The following DLGAP4 variants were observed in gnomAD, a reference collection of about 807,000 sequenced individuals.
DLGAP4 encodes the protein DLG associated protein 4, also known as disks large-associated protein 4.
A neutral mutation model predicts 86.9 loss-of-function variants in DLGAP4; 18 were observed. That is an observed-to-expected ratio of 0.21 (90% CI 0.14 to 0.31). The LOEUF (loss-of-function observed/expected upper bound fraction) is 0.31, where lower values mean the gene tolerates loss of function less well. Ranked by LOEUF, DLGAP4 falls within the 10% of genes least tolerant of loss-of-function variation. The pLI is 1.00. For synonymous variants in DLGAP4, 548 were observed against 574.3 expected (o/e 0.95, Z 0.65); for missense variants, 1,085 against 1,362.6 (o/e 0.80, Z 3.21).
chr20:36,472,826 G>T (rs1254584521), intron 7 of DLGAP4, among the ~76,000 whole-genome samples: 1 of 152,202 alleles, frequency 6.6e-6, no homozygotes, highest in Non-Finnish European at 1.5e-5. Context: ...GGCCCAGGTG[G>T]CCTCATGAGG....
intron 1 of DLGAP4, among the ~76,000 whole-genome samples, chr20:36,342,970 G>A (rs1192311257): frequency 1.3e-5 from 2 of 152,120 alleles, no homozygotes; most frequent in Admixed American, 6.6e-5. Context: ...AGGCTGGCAC[G>A]TTCAGGAAAG....
chr20:36,503,774 C>A (rs942821189), intron 10 of DLGAP4, among the ~76,000 whole-genome samples: 6 of 152,176 alleles, frequency 3.9e-5, no homozygotes, highest in South Asian at 4.1e-4. Context: ...GGATTACAGG[C>A]GTGAGCCACT....
intron 7 of DLGAP4, among the ~76,000 whole-genome samples, chr20:36,448,342 C>T (rs1354751994): frequency 1.3e-5 from 2 of 152,182 alleles, no homozygotes; most frequent in Non-Finnish European, 2.9e-5. Flanking sequence ...AGACCAAGAC[C>T]TTGTCTCAAA....
chr20:36,487,634 G>T (rs1195590104), intron 7 of DLGAP4, among the ~76,000 whole-genome samples: 1 of 152,144 alleles, frequency 6.6e-6, no homozygotes. Context: ...CTCACAGAGG[G>T]TCCCTTCACC....
chr20:36,439,687 C>CT (rs1347927941), intron 4 of DLGAP4, 67 bp from the exon 5 acceptor site: 1 of 1,399,628 alleles, frequency 7.1e-7, no homozygotes, highest in African/African-American at 1.4e-5. Context: ...CACAGATGGT[C>CT]AAGGCCTCCA....
intron 2 of DLGAP4, among the ~76,000 whole-genome samples, chr20:36,380,627 G>C (rs1431246982): frequency 3.9e-5 from 5 of 128,290 alleles, no homozygotes; most frequent in South Asian, 2.5e-4. Context: ...GAGAGAGAGA[G>C]AGAGAGAGAG....
At position 36,500,480 on chromosome 20, in the gene DLGAP4, C is replaced by A; in HGVS notation, c.2381C>A (p.Pro794Gln). ...ACCTCCTCCAGCTCCCCAGCAGAGC[C>A]GGCACAGCCAGGGGCCTGCCGCCGA... ...LETSSSSPAE[P>Q]AQPGACRRDG... The change falls in exon 10 of 13, where the codon CCG (proline) becomes CAG (glutamine). Residue 794 changes from proline to glutamine, a missense_variant. Pro to Gln is a moderately conservative substitution (Grantham distance 76). Coordinates refer to ENST00000339266, the MANE Select transcript of DLGAP4 (RefSeq NM_001365621.2). The surrounding 1 kb of genome is among the most constrained non-coding windows in gnomAD (Gnocchi z 4.6). 6.3e-7 allele frequency: 1 copy of A among 1,591,974 alleles called. No homozygotes were observed. The highest frequency in any genetic ancestry group is 8.6e-7 in the Non-Finnish European group (1 of 1,168,384).
chr20:36,364,837 G>A (rs1447130791), intron 1 of DLGAP4, among the ~76,000 whole-genome samples: 1 of 152,196 alleles, frequency 6.6e-6, no homozygotes, highest in African/African-American at 2.4e-5. Context: ...GCTCATGTCT[G>A]TAATCCCAGA....
intron 7 of DLGAP4, among the ~76,000 whole-genome samples, chr20:36,491,020 C>A (rs2035638507): frequency 6.7e-6 from 1 of 149,946 alleles, no homozygotes; most frequent in Non-Finnish European, 1.5e-5. Context: ...TGGTGAAACC[C>A]CATCTCTACT....
At chr20:36,386,273 G>A (rs2031593550) in intron 2 of DLGAP4, among the ~76,000 whole-genome samples, 1 of 152,134 alleles carries the variant, frequency 6.6e-6, no homozygotes, top group Admixed American at 6.5e-5. Context: ...AATCATAGGG[G>A]AGTTCCTTGC....
chr20:36,473,375 C>T (rs1342367306), intron 7 of DLGAP4, among the ~76,000 whole-genome samples: 1 of 152,160 alleles, frequency 6.6e-6, no homozygotes. Context: ...CTTCTCTGGC[C>T]TGCAGATTCC....
chr20:36,528,446 A>ACC lies in DLGAP4; in HGVS notation c.*1423_*1424dup, dbSNP rs35876821. ...TGGCTGGCGCTTGCTGCAGGGGGGG[A>ACC]CCCCCCCCCGTCCCCAGGTGAACCA... is the stretch of plus-strand genomic sequence containing the variant. On this transcript the variant is annotated 3_prime_UTR_variant, in exon 13 of 13. Transcript: ENST00000339266. 0.03 allele frequency: 4,265 copies of ACC among 141,238 alleles called. 104 individuals are homozygous for ACC. Among genetic ancestry groups the ACC allele is most frequent in the Middle Eastern group, 0.099 (26 of 262 alleles). The allele number at this position is 141,238 out of a possible 1,614,324, so 8.7% of individuals were successfully genotyped here.
chr20:36,382,243 A>G (rs1892512254), intron 2 of DLGAP4, among the ~76,000 whole-genome samples: 2 of 152,126 alleles, frequency 1.3e-5, no homozygotes, highest in African/African-American at 2.4e-5. Context: ...TTTCTGAGAT[A>G]GAGTCTTGCT....
At chr20:36,372,211 G>C (rs1170540152) in intron 2 of DLGAP4, among the ~76,000 whole-genome samples, 1 of 152,204 alleles carries the variant, frequency 6.6e-6, no homozygotes, top group Admixed American at 6.5e-5. Context: ...ATCCCTGACG[G>C]TGCTGCTGCT....
intron 1 of DLGAP4, among the ~76,000 whole-genome samples, chr20:36,335,103 C>G (rs1318248697): frequency 6.6e-6 from 1 of 152,116 alleles, no homozygotes; most frequent in Non-Finnish European, 1.5e-5. Flanking sequence ...GGGAAGAAGC[C>G]TTGCCAAGCG....
intron 9 of DLGAP4, 108 bp downstream of exon 9, chr20:36,499,784 C>A: frequency 8.6e-7 from 1 of 1,166,458 alleles, no homozygotes. Flanking sequence ...TTTCTAATAA[C>A]CAAGCTGGGT....
At chr20:36,406,942 C>A (rs1319344291) in intron 2 of DLGAP4, among the ~76,000 whole-genome samples, 1 of 152,108 alleles carries the variant, frequency 6.6e-6, no homozygotes, top group African/African-American at 2.4e-5. Flanking sequence ...CAGTCAGCAG[C>A]CTCTGTGCCC....
intron 1 of DLGAP4, among the ~76,000 whole-genome samples, chr20:36,337,763 GC>G (rs2065337222): frequency 1.3e-5 from 2 of 152,128 alleles, no homozygotes; most frequent in Admixed American, 1.3e-4. Flanking sequence ...TGCCCTTTCT[GC>G]CTCTTCTGGT....
chr20:36,462,867 C>T (rs1033643415), intron 7 of DLGAP4, among the ~76,000 whole-genome samples: 3 of 152,244 alleles, frequency 2.0e-5, no homozygotes. Flanking sequence ...CCCCGCATGG[C>T]CTGGCACTTT....
Sources: allele counts gnomAD v4.1 joint callset (sites outside exome capture counted in the v4.1 genomes callset), GRCh38; gene constraint gnomAD v4.1.1; non-coding constraint Gnocchi (gnomAD v3.1); transcripts MANE v1.5; gene names NCBI Gene and HGNC (gene_info 2026-07-23, HGNC 2026-07-21).